CTNNA3: variants seen among roughly 807,000 people sequenced by gnomAD.
CTNNA3 encodes the protein catenin alpha 3.
Under a neutral mutation model 95.7 loss-of-function variants are expected in CTNNA3, and 76 were observed. That is an observed-to-expected ratio of 0.79 (90% CI 0.66 to 0.96). The LOEUF is 0.96. Ranked by LOEUF, CTNNA3 falls within the 40% of genes least tolerant of loss-of-function variation. The pLI is 0.00. For missense variants in CTNNA3, 1,191 were observed against 1,089.8 expected, an observed-to-expected ratio of 1.09 and a Z score of -1.31; for synonymous variants, 431 against 374.4, an observed-to-expected ratio of 1.15 and a Z score of -1.74.
At chr10:67,515,355 A>G (rs1364567184) in intron 5 of CTNNA3, among the ~76,000 whole-genome samples, 1 of 152,202 alleles carries the variant, frequency 6.6e-6, no homozygotes, top group Non-Finnish European at 1.5e-5. Context: ...TGATGCATCC[A>G]ACCTTCTTTT....
At chr10:66,216,047 G>A (rs1481918765) in intron 13 of CTNNA3, among the ~76,000 whole-genome samples, 1 of 152,200 alleles carries the variant, frequency 6.6e-6, no homozygotes, top group African/African-American at 2.4e-5. Context: ...AATCCATCTT[G>A]GATGCTAATC....
chr10:66,071,763 C>G (rs3847340), intron 14 of CTNNA3, among the ~76,000 whole-genome samples: 1 of 151,856 alleles, frequency 6.6e-6, no homozygotes, highest in African/African-American at 2.4e-5. Flanking sequence ...AAATGATATG[C>G]AAGAACACAC....
chr10:66,050,698 T>C (rs1474759491), intron 15 of CTNNA3, among the ~76,000 whole-genome samples: 1 of 152,184 alleles, frequency 6.6e-6, no homozygotes, highest in Non-Finnish European at 1.5e-5. Flanking sequence ...AACTGTGCCC[T>C]ACATTCCATA....
At chr10:67,206,334 A>G (rs766054984) in intron 6 of CTNNA3, among the ~76,000 whole-genome samples, 20 of 152,244 alleles carry the variant, frequency 1.3e-4, no homozygotes, top group Middle Eastern at 3.4e-3. Flanking sequence ...TGCCTGTGGT[A>G]TATATCACAT....
chr10:66,033,542 A>G (rs2079493971), intron 15 of CTNNA3, among the ~76,000 whole-genome samples: 1 of 151,078 alleles, frequency 6.6e-6, no homozygotes, highest in East Asian at 1.9e-4. Flanking sequence ...GCTCATGTGT[A>G]TGTGTGTGTG....
intron 13 of CTNNA3, among the ~76,000 whole-genome samples, chr10:66,190,977 T>A (rs560574857): frequency 6.6e-6 from 1 of 152,198 alleles, no homozygotes; most frequent in Admixed American, 6.6e-5. Flanking sequence ...AGGAAGATGA[T>A]CATTAATCCA....
chr10:66,977,066 G>A (rs1850079149), intron 7 of CTNNA3, among the ~76,000 whole-genome samples: 1 of 152,106 alleles, frequency 6.6e-6, no homozygotes, highest in Non-Finnish European at 1.5e-5. Flanking sequence ...CTAAAATAAT[G>A]ACCTAATATA....
intron 12 of CTNNA3, among the ~76,000 whole-genome samples, chr10:66,295,600 A>G (rs972828548): frequency 3.3e-5 from 5 of 152,214 alleles, no homozygotes; most frequent in Non-Finnish European, 7.3e-5. Flanking sequence ...CAAAACAGAA[A>G]TCAGGACACC....
intron 5 of CTNNA3, among the ~76,000 whole-genome samples, chr10:67,509,676 G>C (rs974162452): frequency 1.3e-5 from 2 of 152,150 alleles, no homozygotes; most frequent in African/African-American, 4.8e-5. Flanking sequence ...CTTTATAGTA[G>C]CATGATTTAT....
chr10:66,329,717 C>G (rs556985703), intron 12 of CTNNA3, among the ~76,000 whole-genome samples: 1 of 151,984 alleles, frequency 6.6e-6, no homozygotes, highest in Admixed American at 6.5e-5. Flanking sequence ...ACTTTTTTTT[C>G]TCACAGAAAT....
chr10:66,414,112 T>A (rs1398500553), intron 11 of CTNNA3, among the ~76,000 whole-genome samples: 1 of 152,184 alleles, frequency 6.6e-6, no homozygotes, highest in Admixed American at 6.5e-5. Flanking sequence ...AACAAAAGGA[T>A]TATTAAAACA....
At chr10:67,500,237 C>T (rs1839185130) in intron 5 of CTNNA3, among the ~76,000 whole-genome samples, 1 of 151,966 alleles carries the variant, frequency 6.6e-6, no homozygotes, top group Non-Finnish European at 1.5e-5. Flanking sequence ...CGTAGTTGTG[C>T]AGTTGAGTGA....
chr10:67,101,958 AAAG>A (rs60131438), intron 7 of CTNNA3, among the ~76,000 whole-genome samples: 80,959 of 151,036 alleles, frequency 0.54, 22,905 homozygotes, highest in African/African-American at 0.73. Context: ...AGAGCATGCG[AAAG>A]AAGAAGTTAT....
chr10:66,185,073 A>G (rs1416837947), intron 13 of CTNNA3, among the ~76,000 whole-genome samples: 1 of 152,204 alleles, frequency 6.6e-6, no homozygotes, highest in Non-Finnish European at 1.5e-5. Context: ...CACCACTAGC[A>G]TAGCTATTGA....
chr10:67,649,884 G>A (rs1407566964), intron 1 of CTNNA3, among the ~76,000 whole-genome samples: 1 of 152,184 alleles, frequency 6.6e-6, no homozygotes, highest in African/African-American at 2.4e-5. Flanking sequence ...TTGTTGCCCA[G>A]GCTGGAGTAC....
At chr10:66,166,730 A>G (rs752823595) in intron 13 of CTNNA3, among the ~76,000 whole-genome samples, 1 of 151,420 alleles carries the variant, frequency 6.6e-6, no homozygotes, top group Non-Finnish European at 1.5e-5. Flanking sequence ...AAGTAATCAC[A>G]TAATTAACTA....
At chr10:66,654,818 C>A (rs1409203534) in intron 9 of CTNNA3, among the ~76,000 whole-genome samples, 3 of 152,004 alleles carry the variant, frequency 2.0e-5, no homozygotes, top group Non-Finnish European at 4.4e-5. Flanking sequence ...CATGGATCCA[C>A]CTGAGGGACA....
chr10:67,606,708 C>T lies in CTNNA3; in HGVS notation c.292+149G>A, dbSNP rs186585764. 2.5e-4 allele frequency: 155 copies of T among 610,338 alleles called. No individual in the cohort carries two copies. The East Asian group carries it at 3.6e-3, about 14-fold the overall frequency. The allele number at this position is 610,338 out of a possible 1,614,324, so 37.8% of individuals were successfully genotyped here. On this transcript the variant is annotated intron_variant, in intron 3 of 17. Coordinates refer to ENST00000433211, the MANE Select transcript of CTNNA3 (RefSeq NM_013266.4). Reference sequence around the variant, plus strand: ...CTGAGCCTTGGAGCTGTCTAATGAGCCACTCTGCCTCCCACAGCTAGCTCC... The same window carrying T: ...CTGAGCCTTGGAGCTGTCTAATGAGTCACTCTGCCTCCCACAGCTAGCTCC...
intron 12 of CTNNA3, among the ~76,000 whole-genome samples, chr10:66,361,308 C>A (rs2132430586): frequency 6.8e-6 from 1 of 146,090 alleles, no homozygotes; most frequent in South Asian, 2.3e-4. Context: ...GAATCCTCCC[C>A]TCCCCGCCCC....
Sources: gnomAD v4.1 joint callset for allele counts (sites outside exome capture counted in the v4.1 genomes callset) on GRCh38, gnomAD v4.1.1 for gene constraint, MANE v1.5 for transcripts, NCBI Gene and HGNC (gene_info 2026-07-23, HGNC 2026-07-21) for gene names.